NAALADL2: variants seen among roughly 807,000 people sequenced by gnomAD.
NAALADL2 encodes N-acetylated alpha-linked acidic dipeptidase like 2, also known as inactive N-acetylated-alpha-linked acidic dipeptidase-like protein 2.
Under a neutral mutation model 87.2 loss-of-function variants are expected in NAALADL2, and 76 were observed. The ratio of observed to expected loss-of-function variants is 0.87; its 90% CI spans 0.72 to 1.05. NAALADL2 has a LOEUF of 1.05. Among genes scored for constraint, NAALADL2 ranks in the 50% least tolerant of loss-of-function variants. The pLI is 0.00. For synonymous variants in NAALADL2, 354 were observed against 331.0 expected (o/e 1.07, Z -0.75); for missense variants, 1,089 against 945.8 (o/e 1.15, Z -1.99).
intron 13 of NAALADL2, among the ~76,000 whole-genome samples, chr3:175,801,236 A>G (rs972278836): frequency 6.6e-6 from 1 of 152,136 alleles, no homozygotes; most frequent in Admixed American, 6.6e-5. Context: ...TCTACATTAC[A>G]ACCAACATAA....
At chr3:175,085,949 G>A (rs1718817127) in intron 1 of NAALADL2, among the ~76,000 whole-genome samples, 1 of 152,152 alleles carries the variant, frequency 6.6e-6, no homozygotes, top group Non-Finnish European at 1.5e-5. Context: ...GGGGGTAATA[G>A]ACAGGTTATA....
At chr3:174,867,372 A>C (rs1052358052) in intron 1 of NAALADL2, among the ~76,000 whole-genome samples, 2 of 151,970 alleles carry the variant, frequency 1.3e-5, no homozygotes, top group African/African-American at 4.8e-5. Flanking sequence ...TATCATCTCC[A>C]GCCTCACAAA....
At chr3:174,995,004 C>T (rs1171441910) in intron 1 of NAALADL2, among the ~76,000 whole-genome samples, 1 of 152,024 alleles carries the variant, frequency 6.6e-6, no homozygotes, top group African/African-American at 2.4e-5. Context: ...AATGGTGATT[C>T]TTTGCCTATT....
chr3:175,571,436 AAATT>A (rs1472176356), intron 9 of NAALADL2, among the ~76,000 whole-genome samples: 3 of 152,336 alleles, frequency 2.0e-5, no homozygotes, highest in African/African-American at 7.2e-5. Flanking sequence ...TAAATTTTAA[AAATT>A]AATTGACCTG....
intron 3 of NAALADL2, among the ~76,000 whole-genome samples, chr3:174,780,391 A>T (rs978190967): frequency 6.6e-6 from 1 of 152,166 alleles, no homozygotes; most frequent in Non-Finnish European, 1.5e-5. Flanking sequence ...GGCTGAGACA[A>T]TGGCATTTTC....
chr3:174,544,784 G>A (rs9836696), intron 1 of NAALADL2, among the ~76,000 whole-genome samples: 16 of 151,448 alleles, frequency 1.1e-4, no homozygotes, highest in Non-Finnish European at 2.2e-4. Flanking sequence ...TTGGCCAGGA[G>A]AGTCTCGATC....
chr3:175,003,029 A>G (rs9866726), intron 1 of NAALADL2, among the ~76,000 whole-genome samples: 24,796 of 152,154 alleles, frequency 0.16, 2,561 homozygotes, highest in African/African-American at 0.3. Flanking sequence ...AGTTTCATAA[A>G]CATTTGTATT....
intron 9 of NAALADL2, among the ~76,000 whole-genome samples, chr3:175,536,084 A>G (rs1306864022): frequency 6.6e-6 from 1 of 152,212 alleles, no homozygotes; most frequent in Admixed American, 6.5e-5. Context: ...CTTTCAAACC[A>G]GGCAGATTTT....
At chr3:174,742,192 T>C (rs1733828839) in intron 3 of NAALADL2, among the ~76,000 whole-genome samples, 1 of 151,714 alleles carries the variant, frequency 6.6e-6, no homozygotes, top group African/African-American at 2.4e-5. Flanking sequence ...AAAATATTTA[T>C]GGTGAGCCTA....
At chr3:174,877,753 T>C (rs765962530) in intron 1 of NAALADL2, among the ~76,000 whole-genome samples, 13 of 152,058 alleles carry the variant, frequency 8.5e-5, no homozygotes, top group Non-Finnish European at 1.6e-4. Flanking sequence ...GTAAGACCAA[T>C]GGATAGCAGC....
chr3:175,355,686 A>T (rs1764287446), intron 5 of NAALADL2, among the ~76,000 whole-genome samples: 1 of 152,182 alleles, frequency 6.6e-6, no homozygotes, highest in Non-Finnish European at 1.5e-5. Context: ...TAATAACAAT[A>T]ACAATACCTA....
chr3:175,535,964 G>A (rs544232583), intron 9 of NAALADL2, among the ~76,000 whole-genome samples: 3 of 152,184 alleles, frequency 2.0e-5, no homozygotes, highest in South Asian at 2.1e-4. Context: ...AAATTGAGGC[G>A]CAACGCAGTT....
chr3:175,220,917 T>C lies in NAALADL2; in HGVS notation c.546-13014T>C, dbSNP rs1192263177. Among the ~76,000 whole-genome samples the C allele has an allele frequency of 1.3e-5, 2 of 152,122 alleles. 1 individual carries two copies. The highest frequency in any genetic ancestry group is 4.8e-5 in the African/African-American group (2 of 41,436). On this transcript the variant is annotated intron_variant, in intron 2 of 13. Coordinates refer to ENST00000454872, the MANE Select transcript of NAALADL2 (RefSeq NM_207015.3). ...TCATTCATTTCAAGATATTTTAGGC[T>C]GGGCGTGGTGGCTCAAGCCTGTAAT... is the stretch of plus-strand genomic sequence containing the variant.
At chr3:175,190,844 G>A (rs1305891923) in intron 2 of NAALADL2, among the ~76,000 whole-genome samples, 1 of 151,930 alleles carries the variant, frequency 6.6e-6, no homozygotes, top group African/African-American at 2.4e-5. Flanking sequence ...CGGGCGTGGT[G>A]GCGGGCGCCT....
intron 4 of NAALADL2, among the ~76,000 whole-genome samples, chr3:175,265,774 C>A (rs1450595242): frequency 6.6e-6 from 1 of 151,182 alleles, no homozygotes; most frequent in Non-Finnish European, 1.5e-5. Flanking sequence ...AACAAATTAG[C>A]CTGTAATAAG....
intron 4 of NAALADL2, among the ~76,000 whole-genome samples, chr3:175,290,135 G>T (rs1232860245): frequency 6.6e-6 from 1 of 152,176 alleles, no homozygotes; most frequent in Non-Finnish European, 1.5e-5. Context: ...CAATTTCTTT[G>T]TAAAACAGTT....
intron 1 of NAALADL2, among the ~76,000 whole-genome samples, chr3:174,861,576 T>C (rs1726509892): frequency 6.6e-6 from 1 of 152,142 alleles, no homozygotes; most frequent in African/African-American, 2.4e-5. Context: ...TAAAATAATA[T>C]GTTTTGTATA....
At chr3:175,050,588 A>G (rs964550642) in intron 1 of NAALADL2, among the ~76,000 whole-genome samples, 4 of 152,180 alleles carry the variant, frequency 2.6e-5, no homozygotes, top group Non-Finnish European at 4.4e-5. Flanking sequence ...GTTTTTATCA[A>G]TTCACTCATG....
chr3:175,793,916 T>C (rs186823423), intron 13 of NAALADL2, among the ~76,000 whole-genome samples: 1 of 152,294 alleles, frequency 6.6e-6, no homozygotes, highest in Admixed American at 6.5e-5. Context: ...TTTGTTTAAA[T>C]AGATGCAGCT....
Sources: gnomAD v4.1 joint callset for allele counts (sites outside exome capture counted in the v4.1 genomes callset) on GRCh38, gnomAD v4.1.1 for gene constraint, MANE v1.5 for transcripts, NCBI Gene and HGNC (gene_info 2026-07-23, HGNC 2026-07-21) for gene names.